ALDH18A1: variants seen among roughly 807,000 people sequenced by gnomAD.
ALDH18A1 encodes delta-1-pyrroline-5-carboxylate synthase.
Under a neutral mutation model 88.8 loss-of-function variants are expected in ALDH18A1, and 44 were observed. The observed-to-expected ratio is 0.50, with a 90% CI of 0.39 to 0.64. ALDH18A1 has a LOEUF of 0.64. ALDH18A1 is among the 30% of genes least tolerant of loss of function. The pLI is 0.00. For synonymous variants in ALDH18A1, 331 were observed against 372.1 expected, an observed-to-expected ratio of 0.89 and a Z score of 1.27; for missense variants, 782 against 1,009.5, an observed-to-expected ratio of 0.77 and a Z score of 3.05.
chr10:95,651,409 A>G (rs762886300), intron 2 of ALDH18A1, among the ~76,000 whole-genome samples: 1 of 150,328 alleles, frequency 6.7e-6, no homozygotes, highest in Non-Finnish European at 1.5e-5. Context: ...ACAGTTTGAC[A>G]GTTTCTTATA....
At chr10:95,622,775 G>A (rs2097854833) in intron 11 of ALDH18A1, among the ~76,000 whole-genome samples, 1 of 152,012 alleles carries the variant, frequency 6.6e-6, no homozygotes, top group African/African-American at 2.4e-5. Context: ...CTGACCTTGT[G>A]ATCTGCCCAC....
intron 17 of ALDH18A1, among the ~76,000 whole-genome samples, chr10:95,608,767 C>T (rs1237798508): frequency 6.6e-6 from 1 of 152,218 alleles, no homozygotes; most frequent in Admixed American, 6.5e-5. Flanking sequence ...TCTCAAAGTG[C>T]CGGGATTACA....
chr10:95,645,484 T>A (rs549330899), intron 2 of ALDH18A1, among the ~76,000 whole-genome samples: 13 of 152,240 alleles, frequency 8.5e-5, no homozygotes, highest in Admixed American at 7.2e-4. Flanking sequence ...CTAACCACAA[T>A]CTACTGATGG....
At chr10:95,635,068 G>C (rs920864627) in intron 5 of ALDH18A1, among the ~76,000 whole-genome samples, 1 of 152,138 alleles carries the variant, frequency 6.6e-6, no homozygotes, top group Non-Finnish European at 1.5e-5. Flanking sequence ...TCACTCACTC[G>C]ATAAAAAATT....
At chr10:95,610,407 C>T (rs2097831780) in intron 16 of ALDH18A1, 115 bp from the exon 17 acceptor site, 1 of 884,994 alleles carries the variant, frequency 1.1e-6, no homozygotes, top group Non-Finnish European at 1.9e-6. Flanking sequence ...TGGGGCCTCT[C>T]CATGTGTTCT....
At chr10:95,642,381 A>C (rs1261997229) in intron 3 of ALDH18A1, among the ~76,000 whole-genome samples, 1 of 152,220 alleles carries the variant, frequency 6.6e-6, no homozygotes, top group Non-Finnish European at 1.5e-5. Context: ...TGGGAGGCCA[A>C]GGTGGGAGGA....
intron 11 of ALDH18A1, among the ~76,000 whole-genome samples, chr10:95,622,894 A>C (rs2097855092): frequency 6.6e-6 from 1 of 152,126 alleles, no homozygotes; most frequent in African/African-American, 2.4e-5. Context: ...TCCACACACA[A>C]ACATGTACGT....
At chr10:95,613,674 C>T (rs1015958421) in intron 15 of ALDH18A1, 68 bp downstream of exon 15, 2 of 1,455,706 alleles carry the variant, frequency 1.4e-6, no homozygotes, top group Admixed American at 1.7e-5. Context: ...TATGGTATGG[C>T]TGTGCCTGGT....
chr10:95,638,618 T>C (rs922587135), intron 3 of ALDH18A1, among the ~76,000 whole-genome samples: 1 of 152,168 alleles, frequency 6.6e-6, no homozygotes. Flanking sequence ...GAGGCTGTTC[T>C]GGTGGCATGT....
chr10:95,631,770 T>C (rs1389332608), intron 7 of ALDH18A1, among the ~76,000 whole-genome samples: 2 of 137,550 alleles, frequency 1.5e-5, no homozygotes, highest in Non-Finnish European at 3.1e-5. Context: ...AAAAAACAAC[T>C]GAATAACAGC....
In ALDH18A1 at chr10:95,632,962, C is replaced by T; in HGVS notation, c.805G>A (p.Glu269Lys). The T allele has an allele frequency of 6.2e-7, 1 of 1,613,830 alleles. No homozygotes were observed. Among genetic ancestry groups the T allele is most frequent in the Non-Finnish European group, 8.5e-7 (1 of 1,179,696 alleles). Reference protein sequence around the residue: ...TDLLIVLSDVEGLFDSPPGSD... With the variant: ...TDLLIVLSDVKGLFDSPPGSD... ...GGAAAAAAGCATTACTTTGTACCTT[C>T]TACATCTGAAAGAACAATCAAGAGA... is the stretch of plus-strand genomic sequence containing the variant. The change falls in exon 7 of 18, where the codon GAA (glutamate) becomes AAA (lysine). Residue 269 changes from glutamate (E) to lysine (K), a missense_variant. Physicochemically the swap from Glu to Lys is moderately conservative, Grantham distance 56. Transcript: ENST00000371224.
chr10:95,641,335 T>C (rs1440495025), intron 3 of ALDH18A1, among the ~76,000 whole-genome samples: 5 of 152,116 alleles, frequency 3.3e-5, no homozygotes, highest in Admixed American at 3.3e-4. Flanking sequence ...GGAGTCCCAG[T>C]TCTGGCTCGC....
At chr10:95,642,724 A>G (rs927737886) in intron 3 of ALDH18A1, among the ~76,000 whole-genome samples, 7 of 151,836 alleles carry the variant, frequency 4.6e-5, no homozygotes, top group African/African-American at 1.7e-4. Flanking sequence ...AGAACTAAGA[A>G]TCTCTGACAG....
At chr10:95,639,907 G>A (rs1244631741) in intron 3 of ALDH18A1, among the ~76,000 whole-genome samples, 1 of 147,968 alleles carries the variant, frequency 6.8e-6, no homozygotes, top group Non-Finnish European at 1.5e-5. Flanking sequence ...ATAAACTGCT[G>A]TTTGGTATGA....
intron 1 of ALDH18A1, among the ~76,000 whole-genome samples, chr10:95,654,070 A>C (rs1589584466): frequency 6.6e-6 from 1 of 152,386 alleles, no homozygotes; most frequent in East Asian, 1.9e-4. Context: ...ACCCTGGGTC[A>C]AATTTGAGAC....
chr10:95,607,194 T>C (rs2097824377), intron 17 of ALDH18A1, among the ~76,000 whole-genome samples: 2 of 152,242 alleles, frequency 1.3e-5, no homozygotes, highest in Non-Finnish European at 1.5e-5. Flanking sequence ...CCAGTGCATT[T>C]TGACAATGCT....
In ALDH18A1 at chr10:95,611,252, T is replaced by C. The variant is rs372814168; in HGVS notation, c.2110+4A>G. The C allele has an allele frequency of 3.1e-6, 5 of 1,613,692 alleles. No individual in the cohort carries two copies. The Admixed American group carries it at 5.0e-5, about 16-fold the overall frequency. ...CTGTATGCGGGAAGCATCTGGACAC[T>C]GACCGTCCTCTGTGACGATGACATC... On this transcript the variant is annotated splice_donor_region_variant and intron_variant, in intron 16 of 17. Transcript: ENST00000371224.
At chr10:95,626,615 A>C in intron 10 of ALDH18A1, 88 bp downstream of exon 10, 1 of 1,255,606 alleles carries the variant, frequency 8.0e-7, no homozygotes, top group Non-Finnish European at 1.2e-6. Flanking sequence ...ACTAGGAATA[A>C]AGATGGAGTC....
At chr10:95,626,847 G>T in intron 9 of ALDH18A1, 71 bp from the exon 10 acceptor site, 1 of 1,510,160 alleles carries the variant, frequency 6.6e-7, no homozygotes, top group East Asian at 2.3e-5. Flanking sequence ...ACTAGAGAGA[G>T]AACTACCAGC....
Sources: allele counts gnomAD v4.1 joint callset (sites outside exome capture counted in the v4.1 genomes callset), GRCh38; gene constraint gnomAD v4.1.1; transcripts MANE v1.5; gene names NCBI Gene and HGNC (gene_info 2026-07-23, HGNC 2026-07-21).